CAMTA1: variants seen among roughly 807,000 people sequenced by gnomAD.
CAMTA1 encodes the protein calmodulin binding transcription activator 1.
In CAMTA1, 27 loss-of-function variants were observed where a neutral mutation model predicts 170.9. The ratio of observed to expected loss-of-function variants is 0.16; its 90% CI spans 0.12 to 0.22. CAMTA1 has a LOEUF of 0.22. CAMTA1 is among the 10% of genes least tolerant of loss of function. The probability of loss-of-function intolerance (pLI) is 1.00; values close to 1 mark genes in which losing one functional copy is unlikely to be tolerated. For synonymous variants in CAMTA1, 833 were observed against 891.5 expected (o/e 0.93, Z 1.17); for missense variants, 1,619 against 2,217.2 (o/e 0.73, Z 5.42).
At position 7,670,332 on chromosome 1, in the gene CAMTA1, C is replaced by T. The variant is rs74053183; in HGVS notation, c.2653-579C>T. Among the ~76,000 whole-genome samples, 1,261 of 152,294 alleles carry T rather than the reference C, an allele frequency of 8.3e-3. 17 individuals carry two copies. The highest frequency in any genetic ancestry group is 0.029 in the African/African-American group (1,186 of 41,548). ...TCTCCTTCACTTAGCTCCTTTAGCTCCTCTGTTTCTTCATCGGGCTCTTCA... is the reference window on the plus strand; with the variant it reads ...TCTCCTTCACTTAGCTCCTTTAGCTTCTCTGTTTCTTCATCGGGCTCTTCA... On this transcript the variant is annotated intron_variant, in intron 9 of 22. Coordinates refer to ENST00000303635, the MANE Select transcript of CAMTA1 (RefSeq NM_015215.4).
intron 4 of CAMTA1, among the ~76,000 whole-genome samples, chr1:7,174,664 C>T (rs888437578): frequency 4.6e-5 from 7 of 152,182 alleles, no homozygotes; most frequent in African/African-American, 1.7e-4. Flanking sequence ...AACCTGAGAC[C>T]CAGTTCTGCA....
chr1:7,298,670 T>C (rs1390831756), intron 5 of CAMTA1, among the ~76,000 whole-genome samples: 1 of 152,224 alleles, frequency 6.6e-6, no homozygotes, highest in African/African-American at 2.4e-5. Context: ...TAGGTATTTA[T>C]CAATACATTT....
intron 6 of CAMTA1, among the ~76,000 whole-genome samples, chr1:7,526,376 C>T (rs2094431974): frequency 6.6e-6 from 1 of 152,110 alleles, no homozygotes; most frequent in Admixed American, 6.5e-5. Context: ...CCCGTGGCTA[C>T]TGCACACCCC....
intron 5 of CAMTA1, among the ~76,000 whole-genome samples, chr1:7,391,752 A>G (rs990333970): frequency 6.6e-6 from 1 of 152,180 alleles, no homozygotes; most frequent in African/African-American, 2.4e-5. Context: ...TATAAATGAA[A>G]TCATACAGGA....
At chr1:7,614,307 G>A (rs1338581902) in intron 6 of CAMTA1, among the ~76,000 whole-genome samples, 1 of 152,054 alleles carries the variant, frequency 6.6e-6, no homozygotes, top group African/African-American at 2.4e-5. Flanking sequence ...TGGAGCTCTG[G>A]CGTGGAGCTT....
intron 3 of CAMTA1, among the ~76,000 whole-genome samples, chr1:7,011,548 C>T (rs541205086): frequency 2.0e-5 from 3 of 152,164 alleles, no homozygotes; most frequent in Non-Finnish European, 2.9e-5. Context: ...GGGGCCCTCT[C>T]CTCATTCCAG....
intron 7 of CAMTA1, 71 bp from the exon 8 acceptor site, chr1:7,661,655 A>T: frequency 6.4e-7 from 1 of 1,564,062 alleles, no homozygotes; most frequent in South Asian, 1.1e-5. Flanking sequence ...CCTGGGTCCT[A>T]CCCCTTGGCC....
At chr1:7,359,402 C>A (rs2149962865) in intron 5 of CAMTA1, among the ~76,000 whole-genome samples, 1 of 152,280 alleles carries the variant, frequency 6.6e-6, no homozygotes, top group East Asian at 1.9e-4. Flanking sequence ...GAGAGCCCCT[C>A]CCCACCCCCT....
At chr1:7,650,658 C>T (rs1010974455) in intron 7 of CAMTA1, among the ~76,000 whole-genome samples, 16 of 152,108 alleles carry the variant, frequency 1.1e-4, no homozygotes, top group South Asian at 4.1e-4. Flanking sequence ...AGATAGGTCC[C>T]CGCATGTGCA....
chr1:7,121,291 C>T (rs1018774533), intron 4 of CAMTA1, among the ~76,000 whole-genome samples: 11 of 152,116 alleles, frequency 7.2e-5, no homozygotes, highest in Non-Finnish European at 1.3e-4. Context: ...TGAAAGGCCC[C>T]GTGGGATCCC....
intron 5 of CAMTA1, among the ~76,000 whole-genome samples, chr1:7,351,299 G>A (rs897261761): frequency 2.6e-5 from 4 of 152,232 alleles, no homozygotes; most frequent in African/African-American, 7.2e-5. Flanking sequence ...GTGACGCCAC[G>A]CACTCAGGAG....
At chr1:7,149,362 G>T (rs1465159423) in intron 4 of CAMTA1, among the ~76,000 whole-genome samples, 4 of 152,190 alleles carry the variant, frequency 2.6e-5, no homozygotes, top group Non-Finnish European at 5.9e-5. Flanking sequence ...GTGGGCTTCG[G>T]CGAGACTCTC....
chr1:7,471,387 A>G (rs1217111148), intron 6 of CAMTA1, among the ~76,000 whole-genome samples: 1 of 152,204 alleles, frequency 6.6e-6, no homozygotes, highest in East Asian at 1.9e-4. Flanking sequence ...GGTCACCAGG[A>G]CAGCTGGGGA....
chr1:7,280,078 A>C (rs1212117946), intron 5 of CAMTA1, among the ~76,000 whole-genome samples: 1 of 152,176 alleles, frequency 6.6e-6, no homozygotes, highest in Non-Finnish European at 1.5e-5. Flanking sequence ...GGATGCCTTT[A>C]TCCTTGCAAA....
At chr1:7,163,262 T>C (rs935132463) in intron 4 of CAMTA1, among the ~76,000 whole-genome samples, 1 of 136,704 alleles carries the variant, frequency 7.3e-6, no homozygotes, top group Non-Finnish European at 1.5e-5. Flanking sequence ...GGTGCTGTTA[T>C]TGGTGGCTGG....
intron 9 of CAMTA1, among the ~76,000 whole-genome samples, chr1:7,666,419 C>CG (rs2096002425): frequency 6.6e-6 from 1 of 152,180 alleles, no homozygotes; most frequent in East Asian, 1.9e-4. Flanking sequence ...CCTCAGCTCC[C>CG]GGGGATCTGA....
At chr1:7,707,582 G>T (rs970799758) in intron 11 of CAMTA1, among the ~76,000 whole-genome samples, 1 of 152,106 alleles carries the variant, frequency 6.6e-6, no homozygotes, top group Admixed American at 6.5e-5. Flanking sequence ...TCTCCATGTT[G>T]CCCAGGCTGG....
intron 3 of CAMTA1, among the ~76,000 whole-genome samples, chr1:6,997,660 C>CTTTTTTT: frequency 7.8e-6 from 1 of 127,640 alleles, no homozygotes; most frequent in African/African-American, 3.0e-5. Flanking sequence ...TCTTTTCTTT[C>CTTTTTTT]TTTTTTTTTT....
intron 5 of CAMTA1, among the ~76,000 whole-genome samples, chr1:7,326,420 A>C (rs2149713044): frequency 6.6e-6 from 1 of 152,370 alleles, no homozygotes; most frequent in East Asian, 1.9e-4. Flanking sequence ...GCAAGTCCTA[A>C]GTCCCAGCAC....
Sources: gnomAD v4.1 joint callset for allele counts (sites outside exome capture counted in the v4.1 genomes callset) on GRCh38, gnomAD v4.1.1 for gene constraint, MANE v1.5 for transcripts, NCBI Gene and HGNC (gene_info 2026-07-23, HGNC 2026-07-21) for gene names.